The following HMG20A variants were observed in gnomAD, a reference collection of about 807,000 sequenced individuals.
The protein encoded by HMG20A is high mobility group 20A, also known as high mobility group protein 20A.
HMG20A carries 17 observed loss-of-function variants against 43.9 expected under a neutral mutation model. The observed-to-expected ratio is 0.39, with a 90% CI of 0.27 to 0.58. The LOEUF (loss-of-function observed/expected upper bound fraction) is 0.58. Ranked by LOEUF, HMG20A falls within the 20% of genes least tolerant of loss-of-function variation. The pLI is 0.59. For synonymous variants in HMG20A, 132 were observed against 147.5 expected (o/e 0.89, Z 0.76); for missense variants, 341 against 438.2 (o/e 0.78, Z 1.98).
chr15:77,441,348 G>A (rs572647880), intron 1 of HMG20A, among the ~76,000 whole-genome samples: 8 of 152,190 alleles, frequency 5.3e-5, no homozygotes, highest in African/African-American at 1.9e-4. Context: ...GTGTTTGTTT[G>A]TGTACATATA....
At chr15:77,495,687 G>C in the HMG20A span, among the ~76,000 whole-genome samples, 2 of 152,228 alleles carry the variant, frequency 1.3e-5, no homozygotes, top group South Asian at 2.1e-4. Context: ...GGAGACCTCA[G>C]CTTCCATCTC....
At position 77,443,373 on chromosome 15, in the gene HMG20A, G is replaced by GATTATTATT. The variant is rs1491395709; in HGVS notation, c.-4-15029_-4-15028insTATTATTAT. On this transcript the variant is annotated intron_variant, in intron 1 of 9. Coordinates refer to ENST00000336216, the MANE Select transcript of HMG20A (RefSeq NM_001304504.2). ...TTTTTATGATGATGATGATGATGATGATGATGATTATTATTATTATTATTA... is the reference window on the plus strand; with the variant it reads ...TTTTTATGATGATGATGATGATGATGATTATTATTATGATGATTATTATTATTATTATTA... Among the ~76,000 whole-genome samples the GATTATTATT allele has an allele frequency of 5.7e-3, 693 of 122,220 alleles. 9 individuals are homozygous for GATTATTATT. The highest frequency in any genetic ancestry group is 0.032 in the Admixed American group (369 of 11,552). 80.2% of individuals were successfully genotyped at this position (122,220 alleles called of 152,430 possible).
chr15:77,496,720 T>C, the HMG20A span, among the ~76,000 whole-genome samples: 1 of 152,130 alleles, frequency 6.6e-6, no homozygotes, highest in Non-Finnish European at 1.5e-5. Flanking sequence ...CCAGAGGTGG[T>C]CCCGCCAAGC....
At chr15:77,502,519 G>C in the HMG20A span, among the ~76,000 whole-genome samples, 3 of 152,270 alleles carry the variant, frequency 2.0e-5, no homozygotes, top group Non-Finnish European at 2.9e-5. Context: ...AAAGTTGGTG[G>C]ACTTACCACC....
the HMG20A span, among the ~76,000 whole-genome samples, chr15:77,503,747 T>A: frequency 6.6e-6 from 1 of 152,126 alleles, no homozygotes; most frequent in Non-Finnish European, 1.5e-5. Flanking sequence ...CCAACTTGGG[T>A]CTTTAAATCA....
At chr15:77,422,418 C>T (rs2073374975) in intron 1 of HMG20A, among the ~76,000 whole-genome samples, 2 of 152,126 alleles carry the variant, frequency 1.3e-5, no homozygotes, top group African/African-American at 4.8e-5. Context: ...GAGTTCGAGA[C>T]CAGCCTGGCC....
At chr15:77,504,902 T>G in the HMG20A span, among the ~76,000 whole-genome samples, 4 of 152,182 alleles carry the variant, frequency 2.6e-5, no homozygotes, top group Non-Finnish European at 5.9e-5. Flanking sequence ...TATGAGGCAA[T>G]GAAGCAATAG....
chr15:77,467,203 G>A lies in HMG20A; in HGVS notation c.346G>A (p.Glu116Lys). ...TACAGGATATGTTCGGTTCATGAAT[G>A]AGCGTCGAGAACAACTTCGAGCAAA... ...PLTGYVRFMN[E>K]RREQLRAKRP... The change falls in exon 4 of 10, where the codon GAG becomes AAG. Residue 116 changes from glutamate (E) to lysine (K), a missense_variant. Glu to Lys is a moderately conservative substitution (Grantham distance 56). Around this residue, in one of 3 missense-constraint regions of HMG20A, gnomAD observed 220 missense variants for 263.6 expected, o/e 0.83. Coordinates refer to ENST00000336216, the MANE Select transcript of HMG20A (RefSeq NM_001304504.2). 1.2e-6 allele frequency: 2 copies of A among 1,614,130 alleles called. No individual in the cohort carries two copies. The highest frequency in any genetic ancestry group is 1.7e-6 in the Non-Finnish European group (2 of 1,180,010).
At chr15:77,430,358 CTG>C (rs1298066849) in intron 1 of HMG20A, among the ~76,000 whole-genome samples, 1 of 152,156 alleles carries the variant, frequency 6.6e-6, no homozygotes, top group Non-Finnish European at 1.5e-5. Context: ...ACTTATGACT[CTG>C]AGAGATGAGG....
chr15:77,485,788 C>T (rs963753443), downstream of HMG20A, among the ~76,000 whole-genome samples: 4 of 152,212 alleles, frequency 2.6e-5, no homozygotes, highest in South Asian at 2.1e-4. Flanking sequence ...AAAAATTAGC[C>T]GGGCATGGTG....
chr15:77,430,449 G>C (rs907774608), intron 1 of HMG20A, among the ~76,000 whole-genome samples: 1 of 152,220 alleles, frequency 6.6e-6, no homozygotes, highest in South Asian at 2.1e-4. Flanking sequence ...GAGACCTGCT[G>C]AGGCATCCAG....
chr15:77,440,088 T>C (rs2073594867), intron 1 of HMG20A, among the ~76,000 whole-genome samples: 1 of 152,178 alleles, frequency 6.6e-6, no homozygotes, highest in Admixed American at 6.5e-5. Flanking sequence ...TATGAGTCTT[T>C]AGGGAATATA....
rs1461454545 is a variant in HMG20A, at chr15:77,449,464, T to TAAAC, written c.-4-8939_-4-8936dup. Among the ~76,000 whole-genome samples, 3 of 152,318 alleles carry TAAAC rather than the reference T, an allele frequency of 2.0e-5. No individual in the cohort carries two copies. In the East Asian group the frequency reaches 5.8e-4, roughly 29 times the overall value. On this transcript the variant is annotated intron_variant, in intron 1 of 9. Coordinates refer to ENST00000336216, the MANE Select transcript of HMG20A (RefSeq NM_001304504.2). The stretch of plus-strand genomic sequence containing the variant: ...CCACAGCCCACTGATTGCTTTTAGC[T>TAAAC]AAACGTTCACAGCTGGTAGACTACT...
chr15:77,475,042 A>G (rs149293543), intron 6 of HMG20A, among the ~76,000 whole-genome samples: 1 of 152,342 alleles, frequency 6.6e-6, no homozygotes, highest in East Asian at 1.9e-4. Flanking sequence ...TAAGATAGAA[A>G]CAATAATTTT....
At chr15:77,468,468 C>T (rs34858590) in intron 4 of HMG20A, among the ~76,000 whole-genome samples, 12,894 of 152,078 alleles carry the variant, frequency 0.085, 622 homozygotes, top group Non-Finnish European at 0.1. Flanking sequence ...CATCCCAACA[C>T]TCTTTACCCA....
intron 4 of HMG20A, among the ~76,000 whole-genome samples, chr15:77,470,119 C>T (rs956229363): frequency 2.0e-5 from 3 of 152,084 alleles, no homozygotes; most frequent in African/African-American, 7.2e-5. Context: ...CCAGATTTGG[C>T]CAGTTGAGTA....
At chr15:77,436,508 G>A (rs1023206803) in intron 1 of HMG20A, among the ~76,000 whole-genome samples, 4 of 151,808 alleles carry the variant, frequency 2.6e-5, no homozygotes, top group African/African-American at 9.7e-5. Context: ...GCCCAGGCTG[G>A]AGTGCAGTGG....
intron 2 of HMG20A, 65 bp from the exon 3 acceptor site, chr15:77,464,175 T>C: frequency 6.4e-7 from 1 of 1,564,982 alleles, no homozygotes; most frequent in South Asian, 1.2e-5. Flanking sequence ...GGCAGGGAAA[T>C]TTATCTAGAA....
chr15:77,518,429 A>G, the HMG20A span, among the ~76,000 whole-genome samples: 1 of 152,160 alleles, frequency 6.6e-6, no homozygotes, highest in Non-Finnish European at 1.5e-5. Flanking sequence ...TCACTCCACG[A>G]ACATGCCCCA....
Sources: allele counts gnomAD v4.1 joint callset (sites outside exome capture counted in the v4.1 genomes callset), GRCh38; gene constraint gnomAD v4.1.1; regional missense constraint gnomAD v4.1.1; transcripts MANE v1.5; gene names NCBI Gene and HGNC (gene_info 2026-07-23, HGNC 2026-07-21).